Variants in TACR3 observed in about 807,000 individuals in gnomAD.
The protein encoded by TACR3 is neuromedin-K receptor.
Under a neutral mutation model 35.0 loss-of-function variants are expected in TACR3, and 34 were observed. That is an observed-to-expected ratio of 0.97 (90% confidence interval 0.74 to 1.30). TACR3 has a LOEUF of 1.30. TACR3 is among the 50% of genes most tolerant of loss of function. TACR3 has a pLI of 0.00. For missense variants in TACR3, 558 were observed against 591.7 expected (o/e 0.94, Z 0.59); for synonymous variants, 233 against 221.1 (o/e 1.05, Z -0.48).
intron 1 of TACR3, among the ~76,000 whole-genome samples, chr4:103,669,164 A>G (rs2110335608): frequency 6.6e-6 from 1 of 152,208 alleles, no homozygotes; most frequent in East Asian, 1.9e-4. Context: ...TCATGGCTGA[A>G]TAGTATTCTA....
intron 3 of TACR3, among the ~76,000 whole-genome samples, chr4:103,626,924 C>G (rs1371171657): frequency 4.6e-5 from 7 of 151,654 alleles, no homozygotes; most frequent in Admixed American, 4.6e-4. Flanking sequence ...CCCGTTATCC[C>G]AGCACTTTGG....
intron 1 of TACR3, among the ~76,000 whole-genome samples, chr4:103,663,980 C>T (rs1272590426): frequency 1.3e-5 from 2 of 152,140 alleles, no homozygotes; most frequent in Non-Finnish European, 2.9e-5. Flanking sequence ...TTCTCATCAC[C>T]ATTCTTCCTT....
intron 3 of TACR3, among the ~76,000 whole-genome samples, chr4:103,627,454 G>T (rs1448023809): frequency 6.6e-6 from 1 of 151,490 alleles, no homozygotes; most frequent in Admixed American, 6.6e-5. Context: ...AACCTGGGCG[G>T]CAGAGGTAGC....
At chr4:103,627,823 C>T (rs1197678653) in intron 3 of TACR3, among the ~76,000 whole-genome samples, 1 of 152,164 alleles carries the variant, frequency 6.6e-6, no homozygotes, top group African/African-American at 2.4e-5. Flanking sequence ...CTCTCCACCC[C>T]CATATCAACA....
intron 3 of TACR3, among the ~76,000 whole-genome samples, chr4:103,619,437 ACCTCAGCC>A (rs1470965573): frequency 1.9e-4 from 29 of 152,196 alleles, no homozygotes; most frequent in Middle Eastern, 3.4e-3. Context: ...TGATCTGCCC[ACCTCAGCC>A]TCCCAAATTG....
chr4:103,606,567 A>G (rs1724372212), intron 3 of TACR3, among the ~76,000 whole-genome samples: 1 of 151,950 alleles, frequency 6.6e-6, no homozygotes, highest in South Asian at 2.1e-4. Flanking sequence ...ATTCCTAGGT[A>G]TTTTATTTTC....
At chr4:103,637,077 A>C (rs1299386568) in intron 3 of TACR3, among the ~76,000 whole-genome samples, 1 of 152,152 alleles carries the variant, frequency 6.6e-6, no homozygotes, top group African/African-American at 2.4e-5. Context: ...AATCCTCCCT[A>C]ACTCATTTTA....
rs114334324 is a variant in TACR3 at position 103,689,683 on chromosome 4, A to G, written c.548+29445T>C. Among the ~76,000 whole-genome samples, 1,299 of 152,194 alleles carry G rather than the reference A, an allele frequency of 8.5e-3. 21 individuals carry two copies. The highest frequency in any genetic ancestry group is 0.03 in the African/African-American group (1,241 of 41,564). On this transcript the variant is annotated intron_variant, in intron 1 of 4. Transcript: ENST00000304883. ...GGAAAAATTAAAGACAAATGAACAA[A>G]GCCTAAGAGATTTGTGAGACTCTAT...
intron 1 of TACR3, among the ~76,000 whole-genome samples, chr4:103,709,763 T>A (rs544103228): frequency 6.6e-6 from 1 of 152,150 alleles, no homozygotes; most frequent in Non-Finnish European, 1.5e-5. Context: ...AGGAGACCCA[T>A]GTCACATGCA....
At chr4:103,594,742 A>G (rs1236238744) in intron 3 of TACR3, among the ~76,000 whole-genome samples, 1 of 152,200 alleles carries the variant, frequency 6.6e-6, no homozygotes, top group African/African-American at 2.4e-5. Flanking sequence ...CATGTGGAAA[A>G]TGGAACAGAG....
At position 103,690,914 on chromosome 4, in the gene TACR3, T is replaced by C. The variant is rs1458274669; in HGVS notation, c.548+28214A>G. 2.6e-5 allele frequency among the ~76,000 whole-genome samples: 4 copies of C among 152,146 alleles called. No individual in the cohort carries two copies. In the East Asian group the frequency reaches 7.7e-4, roughly 29 times the overall value. On this transcript the variant is annotated intron_variant, in intron 1 of 4. Transcript: ENST00000304883. ...TTATAATGTCAACTAAAAAATTATG[T>C]CACACGCAATAGGTAGATACAATTT...
chr4:103,621,041 A>AGAT (rs1724765514), intron 3 of TACR3, among the ~76,000 whole-genome samples: 1 of 152,224 alleles, frequency 6.6e-6, no homozygotes, highest in Non-Finnish European at 1.5e-5. Context: ...TTCTTGGAAC[A>AGAT]GATAGCTAAA....
chr4:103,691,958 G>A (rs1722412271), intron 1 of TACR3, among the ~76,000 whole-genome samples: 1 of 152,022 alleles, frequency 6.6e-6, no homozygotes, highest in Admixed American at 6.6e-5. Context: ...CTCTGTTTGG[G>A]GCTCTCAGCT....
intron 3 of TACR3, among the ~76,000 whole-genome samples, chr4:103,593,812 T>A (rs1326094269): frequency 6.6e-6 from 1 of 152,130 alleles, no homozygotes; most frequent in Admixed American, 6.6e-5. Context: ...TCCCAGAACC[T>A]CTTAGCTTGC....
chr4:103,662,393 G>T (rs1725852018), intron 1 of TACR3, among the ~76,000 whole-genome samples: 1 of 151,978 alleles, frequency 6.6e-6, no homozygotes. Flanking sequence ...GCTAATTTTT[G>T]TATTTTTAGT....
chr4:103,714,166 GAA>G (rs1392467646), intron 1 of TACR3, among the ~76,000 whole-genome samples: 1 of 151,946 alleles, frequency 6.6e-6, no homozygotes, highest in East Asian at 1.9e-4. Context: ...TAATAAATAA[GAA>G]TATGTTATAT....
intron 3 of TACR3, among the ~76,000 whole-genome samples, chr4:103,632,242 C>A (rs1450231027): frequency 6.6e-6 from 1 of 152,036 alleles, no homozygotes; most frequent in African/African-American, 2.4e-5. Flanking sequence ...AACATTGAAA[C>A]AAATTCTGAT....
chr4:103,616,286 C>T (rs1048832353), intron 3 of TACR3, among the ~76,000 whole-genome samples: 1 of 138,220 alleles, frequency 7.2e-6, no homozygotes, highest in Non-Finnish European at 1.5e-5. Context: ...CCAATAATGG[C>T]AGAGTACATA....
chr4:103,649,961 G>A (rs554593359), intron 3 of TACR3, among the ~76,000 whole-genome samples: 15 of 152,048 alleles, frequency 9.9e-5, no homozygotes, highest in African/African-American at 3.1e-4. Flanking sequence ...CACAGTCTAC[G>A]CCCATTTGGA....
Sources: gnomAD v4.1 joint callset for allele counts (sites outside exome capture counted in the v4.1 genomes callset) on GRCh38, gnomAD v4.1.1 for gene constraint, MANE v1.5 for transcripts, NCBI Gene and HGNC (gene_info 2026-07-23, HGNC 2026-07-21) for gene names.